Variants in SCAPER observed in about 807,000 individuals in gnomAD.
The protein encoded by SCAPER is S-phase cyclin A associated protein in the ER, also known as S phase cyclin A-associated protein in the endoplasmic reticulum.
Under a neutral mutation model 182.2 loss-of-function variants are expected in SCAPER, and 98 were observed. That is an observed-to-expected ratio of 0.54 (90% confidence interval 0.46 to 0.64). SCAPER has a LOEUF of 0.64. Ranked by LOEUF, SCAPER falls within the 30% of genes least tolerant of loss-of-function variation. SCAPER has a pLI of 0.00. For synonymous variants in SCAPER, 605 were observed against 564.6 expected (o/e 1.07, Z -1.01); for missense variants, 1,432 against 1,690.0 (o/e 0.85, Z 2.68).
chr15:76,505,785 T>C (rs2041521641), intron 23 of SCAPER, among the ~76,000 whole-genome samples: 1 of 152,222 alleles, frequency 6.6e-6, no homozygotes, highest in South Asian at 2.1e-4. Flanking sequence ...AAGAGATATC[T>C]GCTCTCCCAT....
At chr15:76,836,923 T>C (rs976407525) in intron 5 of SCAPER, among the ~76,000 whole-genome samples, 2 of 152,028 alleles carry the variant, frequency 1.3e-5, no homozygotes, top group Admixed American at 6.6e-5. Flanking sequence ...CCTCAAATTA[T>C]AAAAACCATA....
chr15:76,839,288 T>C (rs1222280731), intron 5 of SCAPER, among the ~76,000 whole-genome samples: 1 of 152,086 alleles, frequency 6.6e-6, no homozygotes, highest in Non-Finnish European at 1.5e-5. Context: ...GGCTAAAGGA[T>C]AAAAATCACA....
At chr15:76,823,444 G>C (rs1478981853) in intron 5 of SCAPER, among the ~76,000 whole-genome samples, 1 of 151,110 alleles carries the variant, frequency 6.6e-6, no homozygotes, top group African/African-American at 2.4e-5. Flanking sequence ...TGGGCAACAA[G>C]AGCAAAACTC....
At chr15:76,389,964 T>C (rs989293725) in intron 27 of SCAPER, among the ~76,000 whole-genome samples, 36 of 152,136 alleles carry the variant, frequency 2.4e-4, no homozygotes, top group African/African-American at 4.3e-4. Context: ...GGAACCTTTT[T>C]TTTTTCTTTT....
Position 76,640,658 on chromosome 15 carries a change from C to T in SCAPER, c.2646-18829G>A, listed in dbSNP as rs185366681. On this transcript the variant is annotated intron_variant, in intron 21 of 31. Transcript: ENST00000563290. ...TGGAAAAAATATTCTTCAATCCAAT[C>T]GTGATCAGTGCCAAGCTATGACTGT... 3.3e-4 allele frequency among the ~76,000 whole-genome samples: 50 copies of T among 152,260 alleles called. 1 individual carries two copies. The East Asian group carries it at 9.5e-3, about 29-fold the overall frequency.
At chr15:76,739,125 A>G (rs280028) in intron 15 of SCAPER, among the ~76,000 whole-genome samples, 23,368 of 152,162 alleles carry the variant, frequency 0.15, 2,016 homozygotes, top group African/African-American at 0.24. Flanking sequence ...GAGGATGTGC[A>G]TAAGTTATAT....
rs138297658 is a variant in SCAPER, at chr15:76,608,068, G to A, written c.2711+13696C>T. ...TGCTCTGTTGCTGGTGAGGAGTTGC[G>A]TTCCTTTGCAGGAGGAGAGGCGCTC... On this transcript the variant is annotated intron_variant, in intron 22 of 31. Transcript: ENST00000563290. Among the ~76,000 whole-genome samples, 477 of 152,272 alleles carry A rather than the reference G, an allele frequency of 3.1e-3. 5 individuals carry two copies. Among genetic ancestry groups the A allele is most frequent in the African/African-American group, 0.011 (454 of 41,552 alleles).
intron 2 of SCAPER, among the ~76,000 whole-genome samples, chr15:76,877,315 A>T (rs1420126490): frequency 6.6e-6 from 1 of 152,210 alleles, no homozygotes; most frequent in African/African-American, 2.4e-5. Context: ...TACATTAAAT[A>T]AAATTAAAAA....
At chr15:76,896,643 G>A (rs1167715496) in intron 1 of SCAPER, among the ~76,000 whole-genome samples, 1 of 152,024 alleles carries the variant, frequency 6.6e-6, no homozygotes, top group East Asian at 1.9e-4. Context: ...TGGCACAGTG[G>A]TTCATGCCTG....
chr15:76,609,743 C>T (rs1486380474), intron 22 of SCAPER, among the ~76,000 whole-genome samples: 1 of 152,152 alleles, frequency 6.6e-6, no homozygotes, highest in African/African-American at 2.4e-5. Flanking sequence ...GTAAATGGAA[C>T]TATGGTAGTA....
intron 27 of SCAPER, among the ~76,000 whole-genome samples, chr15:76,383,049 G>A (rs1227790353): frequency 1.3e-5 from 2 of 151,536 alleles, no homozygotes; most frequent in Non-Finnish European, 1.5e-5. Flanking sequence ...TTAACACTAC[G>A]AGTTAGTGTT....
At chr15:76,519,293 A>T (rs2042668023) in intron 23 of SCAPER, among the ~76,000 whole-genome samples, 1 of 152,236 alleles carries the variant, frequency 6.6e-6, no homozygotes, top group South Asian at 2.1e-4. Context: ...TCATATAGAA[A>T]ATAAATGTAA....
At chr15:76,895,443 T>C (rs1167568269) in intron 1 of SCAPER, among the ~76,000 whole-genome samples, 1 of 151,616 alleles carries the variant, frequency 6.6e-6, no homozygotes, top group South Asian at 2.1e-4. Flanking sequence ...ATTTAAAAGC[T>C]TTTCCTCTAA....
At chr15:76,411,434 G>A (rs1355032758) in intron 26 of SCAPER, among the ~76,000 whole-genome samples, 2 of 151,908 alleles carry the variant, frequency 1.3e-5, no homozygotes, top group African/African-American at 4.8e-5. Flanking sequence ...TCCCTTCCCC[G>A]CCCAAATCCA....
rs59311945 is a variant in SCAPER at position 76,852,446 on chromosome 15, C to A, written c.195+5363G>T. ...ATCAACCTCATAATTGGACATAAAA[C>A]AATCCTCAGCAAATGCAAAAAGAAC... On this transcript the variant is annotated intron_variant, in intron 4 of 31. Transcript: ENST00000563290. Among the ~76,000 whole-genome samples the A allele has an allele frequency of 4.4e-3, 664 of 152,128 alleles. 7 individuals carry two copies. Among genetic ancestry groups the A allele is most frequent in the African/African-American group, 0.015 (632 of 41,406 alleles).
At chr15:76,819,032 C>T (rs944446996) in intron 5 of SCAPER, among the ~76,000 whole-genome samples, 1 of 152,214 alleles carries the variant, frequency 6.6e-6, no homozygotes, top group Non-Finnish European at 1.5e-5. Context: ...GGCAGCGAGG[C>T]AGGGGGAGGA....
chr15:76,536,060 C>A (rs773925391), intron 23 of SCAPER, among the ~76,000 whole-genome samples: 14 of 152,106 alleles, frequency 9.2e-5, no homozygotes, highest in Non-Finnish European at 1.5e-4. Context: ...AAGTATATGT[C>A]TTGAAAGGAA....
intron 20 of SCAPER, among the ~76,000 whole-genome samples, chr15:76,671,286 T>G (rs1471042206): frequency 1.3e-5 from 2 of 152,130 alleles, no homozygotes; most frequent in African/African-American, 4.8e-5. Context: ...TGAGCCGTGA[T>G]TGCACCACTG....
At chr15:76,668,721 T>C (rs532061816) in intron 20 of SCAPER, among the ~76,000 whole-genome samples, 13 of 152,334 alleles carry the variant, frequency 8.5e-5, no homozygotes, top group African/African-American at 3.1e-4. Context: ...AACATAAGTT[T>C]CCCAAGGGCA....
Sources: gnomAD v4.1 joint callset for allele counts (sites outside exome capture counted in the v4.1 genomes callset) on GRCh38, gnomAD v4.1.1 for gene constraint, MANE v1.5 for transcripts, NCBI Gene and HGNC (gene_info 2026-07-23, HGNC 2026-07-21) for gene names.